The following RIPOR2 variants were observed in gnomAD, a reference collection of about 807,000 sequenced individuals.
The protein encoded by RIPOR2 is rho family-interacting cell polarization regulator 2.
In RIPOR2, 39 loss-of-function variants were observed where a neutral mutation model predicts 114.5. The observed-to-expected ratio is 0.34, with a 90% CI of 0.26 to 0.44. RIPOR2 has a LOEUF of 0.44. Among genes scored for constraint, RIPOR2 ranks in the 20% least tolerant of loss-of-function variants. The pLI is 1.00. For synonymous variants in RIPOR2, 445 were observed against 484.4 expected (o/e 0.92, Z 1.07); for missense variants, 1,007 against 1,255.1 (o/e 0.80, Z 2.99).
At chr6:24,961,275 G>A (rs1053211379) in intron 1 of RIPOR2, among the ~76,000 whole-genome samples, 11 of 152,178 alleles carry the variant, frequency 7.2e-5, no homozygotes, top group East Asian at 1.9e-4. Context: ...ATAAGACATC[G>A]GGGGGATACT....
chr6:24,925,653 G>A (rs983043251), intron 1 of RIPOR2, among the ~76,000 whole-genome samples: 21 of 151,630 alleles, frequency 1.4e-4, no homozygotes, highest in African/African-American at 4.4e-4. Flanking sequence ...AGTGAACCAA[G>A]ATTGCACCAC....
chr6:24,835,860 A>G lies in RIPOR2; in HGVS notation c.2051T>C (p.Val684Ala). The G allele has an allele frequency of 6.4e-7, 1 of 1,551,356 alleles. No individual in the cohort carries two copies. Among genetic ancestry groups the G allele is most frequent in the Non-Finnish European group, 8.7e-7 (1 of 1,146,936 alleles). Residue 684 changes from valine (V) to alanine (A), a missense_variant, in exon 15 of 22, where the codon GTT becomes GCT. Physicochemically the swap from Val to Ala is moderately conservative, Grantham distance 64. Transcript: ENST00000643898. The stretch of plus-strand genomic sequence containing the variant: ...GAGATGCCCCCTGGCTTCTGGGTGA[A>G]CCGACCTGTAACTATTGAAGGTGGG... ...TETEKHSYRS[V>A]HPEARGHLSE... is the part of the protein sequence containing the mutation.
rs187528963 is a variant in RIPOR2, at chr6:25,012,562, G to A, written c.76+29289C>T. 7.2e-5 allele frequency among the ~76,000 whole-genome samples: 11 copies of A among 152,304 alleles called. No homozygotes were observed. The East Asian group carries it at 2.1e-3, about 29-fold the overall frequency. On this transcript the variant is annotated intron_variant, in intron 1 of 13. Coordinates refer to the RIPOR2 transcript ENST00000510784. ...TGTCTATAAAAAGGATGAAAGTACT[G>A]ATGCATGCTACAAAATAAATTAGCT...
intron 1 of RIPOR2, among the ~76,000 whole-genome samples, chr6:25,021,184 A>G (rs1389794163): frequency 6.6e-6 from 1 of 152,112 alleles, no homozygotes; most frequent in Non-Finnish European, 1.5e-5. Context: ...TCCTTTGCAT[A>G]TAGGACAGTG....
At chr6:24,847,618 G>A in intron 12 of RIPOR2, 5 of 1,551,566 alleles carry the variant, frequency 3.2e-6, no homozygotes, top group East Asian at 2.4e-5. Flanking sequence ...GTGCAGCTTG[G>A]CAAAGAAAGT....
At chr6:25,019,683 G>A (rs758741047) in intron 1 of RIPOR2, among the ~76,000 whole-genome samples, 14 of 147,370 alleles carry the variant, frequency 9.5e-5, no homozygotes, top group Admixed American at 4.1e-4. Flanking sequence ...GCTGAGGCAG[G>A]AGAATCACTT....
intron 19 of RIPOR2, among the ~76,000 whole-genome samples, chr6:24,823,033 G>C (rs895520314): frequency 7.2e-5 from 11 of 152,348 alleles, no homozygotes; most frequent in Admixed American, 7.2e-4. Context: ...ACATCTGAAT[G>C]CAACAGTATA....
intron 1 of RIPOR2, among the ~76,000 whole-genome samples, chr6:24,969,379 C>G (rs1419325523): frequency 6.6e-6 from 1 of 152,200 alleles, no homozygotes; most frequent in African/African-American, 2.4e-5. Flanking sequence ...TTAACAAGAT[C>G]CTGGGGTGAT....
intron 1 of RIPOR2, among the ~76,000 whole-genome samples, chr6:24,912,604 T>C (rs1356423168): frequency 1.4e-4 from 21 of 152,146 alleles, no homozygotes; most frequent in Non-Finnish European, 1.5e-5. Context: ...TACTGGAGTC[T>C]GGAGAAAGAG....
intron 19 of RIPOR2, among the ~76,000 whole-genome samples, chr6:24,822,743 G>A (rs533595072): frequency 6.6e-6 from 1 of 152,272 alleles, no homozygotes; most frequent in South Asian, 2.1e-4. Flanking sequence ...TGGTCTCGAA[G>A]TCCTGGCCTC....
intron 10 of RIPOR2, among the ~76,000 whole-genome samples, chr6:24,850,229 T>G (rs1341122905): frequency 1.3e-5 from 2 of 151,742 alleles, no homozygotes; most frequent in African/African-American, 4.8e-5. Flanking sequence ...CCCAAGTAGC[T>G]GGGACTACAG....
chr6:24,859,932 TGCA>T (rs1763893847), intron 8 of RIPOR2, among the ~76,000 whole-genome samples: 1 of 152,222 alleles, frequency 6.6e-6, no homozygotes, highest in African/African-American at 2.4e-5. Flanking sequence ...CCCTCTTCAC[TGCA>T]GTCAGATGGG....
intron 1 of RIPOR2, among the ~76,000 whole-genome samples, chr6:24,946,702 A>C (rs1653635124): frequency 2.0e-5 from 3 of 152,188 alleles, no homozygotes; most frequent in Admixed American, 6.5e-5. Flanking sequence ...AGCCAAAAGA[A>C]ATAGGGGCCC....
intron 8 of RIPOR2, among the ~76,000 whole-genome samples, chr6:24,857,360 T>C (rs578113490): frequency 5.5e-4 from 83 of 152,190 alleles, no homozygotes; most frequent in African/African-American, 1.5e-3. Context: ...AAAACCATCA[T>C]GGGGGTTACC....
At chr6:24,964,926 T>A (rs1229135337) in intron 1 of RIPOR2, among the ~76,000 whole-genome samples, 1 of 152,256 alleles carries the variant, frequency 6.6e-6, no homozygotes, top group Non-Finnish European at 1.5e-5. Context: ...ATTTGCCATC[T>A]GTATTTCTTT....
chr6:24,892,556 C>T (rs1055034255), intron 1 of RIPOR2, among the ~76,000 whole-genome samples: 3 of 152,062 alleles, frequency 2.0e-5, no homozygotes, highest in African/African-American at 7.2e-5. Context: ...TTCTAGTTCA[C>T]TGGGGAGAAA....
At chr6:24,910,898 C>T (rs1239838754) in intron 1 of RIPOR2, 1 of 985,240 alleles carries the variant, frequency 1.0e-6, no homozygotes, top group Non-Finnish European at 1.2e-6. Context: ...CAATGCAATG[C>T]CCGGAGCTGC....
chr6:25,000,806 C>G (rs1317275916), intron 1 of RIPOR2, among the ~76,000 whole-genome samples: 1 of 152,150 alleles, frequency 6.6e-6, no homozygotes, highest in African/African-American at 2.4e-5. Context: ...CATGCTGGAC[C>G]AGCAGCAAGG....
At chr6:24,867,798 C>T (rs1212658834) in intron 6 of RIPOR2, among the ~76,000 whole-genome samples, 3 of 152,172 alleles carry the variant, frequency 2.0e-5, no homozygotes, top group South Asian at 2.1e-4. Flanking sequence ...TATCAGTCAG[C>T]AGTGGCTCAT....
Sources: allele counts gnomAD v4.1 joint callset (sites outside exome capture counted in the v4.1 genomes callset), GRCh38; gene constraint gnomAD v4.1.1; transcripts MANE v1.5; gene names NCBI Gene and HGNC (gene_info 2026-07-23, HGNC 2026-07-21).